Variants in SAAL1 observed in about 807,000 individuals in gnomAD.
SAAL1 encodes the protein protein SAAL1.
In SAAL1, 42 loss-of-function variants were observed where a neutral mutation model predicts 59.8. The ratio of observed to expected loss-of-function variants is 0.70; its 90% CI spans 0.55 to 0.91. SAAL1 has a LOEUF of 0.91. Among genes scored for constraint, SAAL1 ranks in the 40% least tolerant of loss-of-function variants. The pLI is 0.00. For synonymous variants in SAAL1, 191 were observed against 194.3 expected (o/e 0.98, Z 0.14); for missense variants, 542 against 561.1 (o/e 0.97, Z 0.34).
At chr11:18,094,227 C>A (rs1848550556) in intron 3 of SAAL1, among the ~76,000 whole-genome samples, 1 of 152,270 alleles carries the variant, frequency 6.6e-6, no homozygotes, top group South Asian at 2.1e-4. Flanking sequence ...GAGAGTACAG[C>A]TGACCCTTGA....
In SAAL1 at chr11:18,087,007, G is replaced by C; in HGVS notation, c.901C>G (p.Leu301Val). Residue 301 changes from leucine to valine, a missense_variant, in exon 9 of 12, where the codon CTG (leucine) becomes GTG (valine). Transcript: ENST00000524803. The stretch of plus-strand genomic sequence containing the variant: ...GACTGGCAGAATTCATGGCAGACCA[G>C]GTCAAAAAGTAAATTCCAAATGTCT... ...GKDIWNLLFD[L>V]VCHEFCQSDD... 1.2e-6 allele frequency: 2 copies of C among 1,613,888 alleles called. No individual in the cohort carries two copies. The highest frequency in any genetic ancestry group is 1.7e-6 in the Non-Finnish European group (2 of 1,179,842).
Position 18,100,377 on chromosome 11 carries a change from A to G in SAAL1, c.249+2856T>C, listed in dbSNP as rs1459091690. Among the ~76,000 whole-genome samples the G allele has an allele frequency of 2.0e-5, 3 of 152,268 alleles. No homozygotes were observed. The East Asian group carries it at 5.8e-4, about 29-fold the overall frequency. ...ACAGCAAGAGAAAGATAACTGAAAC[A>G]TTCCCAAATATTTGAAACTTACCTA... On this transcript the variant is annotated intron_variant, in intron 2 of 11. Transcript: ENST00000524803.
At chr11:18,093,384 G>A (rs1468045543) in intron 3 of SAAL1, among the ~76,000 whole-genome samples, 1 of 152,106 alleles carries the variant, frequency 6.6e-6, no homozygotes, top group Non-Finnish European at 1.5e-5. Context: ...CTGTGAAGAA[G>A]GAAAAGGAAA....
intron 3 of SAAL1, chr11:18,093,953 G>C (rs1474200833): frequency 6.6e-6 from 1 of 152,172 alleles, no homozygotes; most frequent in Non-Finnish European, 1.5e-5. Flanking sequence ...TATTGGTCCC[G>C]TTGACAGGAA....
At chr11:18,092,635 G>A (rs1848533919) in intron 3 of SAAL1, among the ~76,000 whole-genome samples, 1 of 152,142 alleles carries the variant, frequency 6.6e-6, no homozygotes, top group Non-Finnish European at 1.5e-5. Flanking sequence ...TTCAAATAAG[G>A]GGAAAGTATC....
At position 18,096,837 on chromosome 11, in the gene SAAL1, G is replaced by A. The variant is rs765925219; in HGVS notation, c.267C>T (p.Leu89=). 4 of 1,574,984 alleles carry A rather than the reference G, an allele frequency of 2.5e-6. No homozygotes were observed. Among genetic ancestry groups the A allele is most frequent in the Non-Finnish European group, 3.5e-6 (4 of 1,153,768 alleles). Residue 89 remains leucine, a synonymous_variant, in exon 3 of 12, where the codon CTC becomes CTT. Coordinates refer to ENST00000524803, the MANE Select transcript of SAAL1 (RefSeq NM_138421.3). ...MSMDEDVALF[L]QEFNAPDIFM... Reference sequence around the variant, plus strand: ...ATATATCAGGAGCATTAAATTCTTGGAGAAATAAAGCCACGTCCTGAAAAG... The same window carrying A: ...ATATATCAGGAGCATTAAATTCTTGAAGAAATAAAGCCACGTCCTGAAAAG...
At chr11:18,095,134 ATG>A (rs1848559362) in intron 3 of SAAL1, among the ~76,000 whole-genome samples, 1 of 152,178 alleles carries the variant, frequency 6.6e-6, no homozygotes, top group Non-Finnish European at 1.5e-5. Flanking sequence ...ATGCGGGGAC[ATG>A]CTTAAGTTTG....
In SAAL1 at chr11:18,086,911, T is replaced by C. The variant is rs918474909; in HGVS notation, c.997A>G (p.Ile333Val). ...LASVFSVLSAIYASQTEQEYL... is the reference protein window; with the variant it reads ...LASVFSVLSAVYASQTEQEYL... The stretch of plus-strand genomic sequence containing the variant: ...TCTTGCTCAGTCTGTGAGGCATAGA[T>C]GGCAGACAACACTGAAAAAACAGAG... Residue 333 changes from isoleucine to valine, a missense_variant, in exon 9 of 12, where the codon ATC (isoleucine) becomes GTC (valine). Coordinates refer to ENST00000524803, the MANE Select transcript of SAAL1 (RefSeq NM_138421.3). The C allele has an allele frequency of 6.2e-7, 1 of 1,614,096 alleles. No individual in the cohort carries two copies. Among genetic ancestry groups the C allele is most frequent in the Non-Finnish European group, 8.5e-7 (1 of 1,179,968 alleles).
chr11:18,105,883 C>A (rs768995351), intron 1 of SAAL1, 24 bp downstream of exon 1: 4 of 1,573,064 alleles, frequency 2.5e-6, no homozygotes, highest in Admixed American at 3.7e-5. Context: ...AGGGACACCC[C>A]ACGCGTGGCG....
chr11:18,080,529 A>G, intron 11 of SAAL1, 38 bp from the exon 12 acceptor site: 9 of 1,423,756 alleles, frequency 6.3e-6, no homozygotes, highest in Non-Finnish European at 8.7e-6. Flanking sequence ...CAAACACAGA[A>G]GAGAAAAACG....
At position 18,105,961 on chromosome 11, in the gene SAAL1, C is replaced by T. The variant is rs755300656; in HGVS notation, c.81G>A (p.Gly27=). The T allele has an allele frequency of 6.8e-6, 11 of 1,609,500 alleles. No individual in the cohort carries two copies. Among genetic ancestry groups the T allele is most frequent in the Non-Finnish European group, 9.3e-6 (11 of 1,178,452 alleles). ...GCCAGTGTTTGCTGTAGACCGTGCT[C>T]CCTATGCAGTCTCCACCGGCCACCT... ...EEEVAGGDCI[G]STVYSKHWLF... Residue 27 remains glycine, a synonymous_variant, in exon 1 of 12, where the codon GGG becomes GGA. Coordinates refer to ENST00000524803, the MANE Select transcript of SAAL1 (RefSeq NM_138421.3).
chr11:18,095,135 T>C (rs1038883438), intron 3 of SAAL1, among the ~76,000 whole-genome samples: 1 of 152,160 alleles, frequency 6.6e-6, no homozygotes, highest in African/African-American at 2.4e-5. Context: ...TGCGGGGACA[T>C]GCTTAAGTTT....
intron 2 of SAAL1, among the ~76,000 whole-genome samples, chr11:18,097,690 T>C (rs1848591749): frequency 6.6e-6 from 1 of 151,532 alleles, no homozygotes; most frequent in Non-Finnish European, 1.5e-5. Context: ...AATACGAAAA[T>C]TAGCCAGGTG....
At chr11:18,089,107 CCA>C (rs1165140068) in intron 7 of SAAL1, among the ~76,000 whole-genome samples, 1 of 152,118 alleles carries the variant, frequency 6.6e-6, no homozygotes, top group Non-Finnish European at 1.5e-5. Context: ...AAGACAGAAA[CCA>C]CAGTTAATGT....
Position 18,083,716 on chromosome 11 carries a change from A to G in SAAL1, c.1058T>C (p.Ile353Thr), listed in dbSNP as rs138989711. 1.3e-5 allele frequency: 21 copies of G among 1,606,650 alleles called. No individual in the cohort carries two copies. The highest frequency in any genetic ancestry group is 1.7e-5 in the Admixed American group (1 of 58,776). The change falls in exon 10 of 12, where the codon ATT (isoleucine) becomes ACT (threonine). Residue 353 changes from isoleucine to threonine, a missense_variant. Ile to Thr is a moderately conservative substitution (Grantham distance 89, BLOSUM62 -1). Coordinates refer to ENST00000524803, the MANE Select transcript of SAAL1 (RefSeq NM_138421.3). ...LKIEKVDLPL[I>T]DSLIRVLQNM... ...TTGTAAGACCCGAATGAGGCTGTCA[A>G]TTAGAGGAAGATCTACTGTATAAAC...
chr11:18,099,921 G>A (rs535608675), intron 2 of SAAL1, among the ~76,000 whole-genome samples: 17 of 152,254 alleles, frequency 1.1e-4, no homozygotes, highest in Admixed American at 4.6e-4. Flanking sequence ...TTTGCGCCAG[G>A]GACCTCAATT....
At chr11:18,089,917 G>A (rs563703752) in intron 6 of SAAL1, among the ~76,000 whole-genome samples, 1 of 152,232 alleles carries the variant, frequency 6.6e-6, no homozygotes, top group East Asian at 1.9e-4. Context: ...GAGCATGGCG[G>A]TGCATGACTA....
intron 2 of SAAL1, among the ~76,000 whole-genome samples, chr11:18,100,889 T>G (rs1590291920): frequency 6.6e-6 from 1 of 152,184 alleles, no homozygotes; most frequent in African/African-American, 2.4e-5. Context: ...CAGACTTATA[T>G]GTAAAACCTA....
At chr11:18,091,704 C>G (rs563840443) in intron 4 of SAAL1, among the ~76,000 whole-genome samples, 38 of 152,188 alleles carry the variant, frequency 2.5e-4, no homozygotes, top group Non-Finnish European at 4.0e-4. Context: ...AACACAGTAA[C>G]CACTGGGGTT....
Sources: gnomAD v4.1 joint callset for allele counts (sites outside exome capture counted in the v4.1 genomes callset) on GRCh38, gnomAD v4.1.1 for gene constraint, MANE v1.5 for transcripts, NCBI Gene and HGNC (gene_info 2026-07-23, HGNC 2026-07-21) for gene names.